Variants in PODXL observed in about 807,000 individuals in gnomAD.
The protein encoded by PODXL is podocalyxin.
Under a neutral mutation model 48.9 loss-of-function variants are expected in PODXL, and 20 were observed. The ratio of observed to expected loss-of-function variants is 0.41; its 90% CI spans 0.29 to 0.59. The LOEUF is 0.59. PODXL is among the 20% of genes least tolerant of loss of function. PODXL has a pLI of 0.31. For missense variants in PODXL, 606 were observed against 675.1 expected (o/e 0.90, Z 1.13); for synonymous variants, 295 against 287.4 (o/e 1.03, Z -0.27).
intron 1 of PODXL, among the ~76,000 whole-genome samples, chr7:131,538,156 C>T (rs1798411400): frequency 6.6e-6 from 1 of 152,130 alleles, no homozygotes; most frequent in Admixed American, 6.5e-5. Context: ...AGCTCCTGGC[C>T]CCTCCCCTGT....
At position 131,516,328 on chromosome 7, in the gene PODXL, C is replaced by T. The variant is rs575461478; in HGVS notation, c.101-4895G>A. On this transcript the variant is annotated intron_variant, in intron 1 of 8. Coordinates refer to ENST00000378555, the MANE Select transcript of PODXL (RefSeq NM_001018111.3). ...GGCTGAGGCAGGCGGATCACAAGGT[C>T]GGGAGTTTGAGACCAGCCTGGCCAA... is the stretch of plus-strand genomic sequence containing the variant. Among the ~76,000 whole-genome samples, 7 of 152,290 alleles carry T rather than the reference C, an allele frequency of 4.6e-5. No homozygotes were observed. In the South Asian group the frequency reaches 6.2e-4, roughly 14 times the overall value.
At chr7:131,509,771 G>A (rs771754373) in intron 3 of PODXL, among the ~76,000 whole-genome samples, 186 bp from the exon 4 acceptor site, 16 of 152,030 alleles carry the variant, frequency 1.1e-4, no homozygotes, top group Non-Finnish European at 2.1e-4. Flanking sequence ...CGCAGCAAAC[G>A]TTCACTGAGC....
At chr7:131,541,222 A>G (rs548674733) in intron 1 of PODXL, among the ~76,000 whole-genome samples, 6 of 152,176 alleles carry the variant, frequency 3.9e-5, no homozygotes, top group African/African-American at 1.4e-4. Context: ...ACTATCACCT[A>G]TCTCTCTCCT....
chr7:131,504,193 G>T lies in PODXL; in HGVS notation c.*118C>A. 1 of 769,814 alleles carries T rather than the reference G, an allele frequency of 1.3e-6. No homozygotes were observed. The highest frequency in any genetic ancestry group is 2.7e-5 in the East Asian group (1 of 37,696). 47.7% of individuals were successfully genotyped at this position (769,814 alleles called of 1,614,324 possible). A position where few individuals can be genotyped will look rare whatever the true frequency, so the allele number is the denominator to read the frequency against. On this transcript the variant is annotated 3_prime_UTR_variant, in exon 9 of 9. Transcript: ENST00000378555. ...AATTAAGGCCCTGGGGGGATTGGGA[G>T]GGGACACCCCTCGGAGTTCACTCTC...
At chr7:131,540,229 T>C (rs1189061519) in intron 1 of PODXL, among the ~76,000 whole-genome samples, 1 of 152,116 alleles carries the variant, frequency 6.6e-6, no homozygotes, top group Non-Finnish European at 1.5e-5. Context: ...GATTATTTTG[T>C]AGAGATACGG....
intron 1 of PODXL, among the ~76,000 whole-genome samples, chr7:131,516,196 A>T (rs1339378159): frequency 6.6e-6 from 1 of 152,232 alleles, no homozygotes; most frequent in Non-Finnish European, 1.5e-5. Context: ...GGAAACCTAC[A>T]TTAAATAAAG....
chr7:131,504,482 T>C lies in PODXL; in HGVS notation c.1506A>G (p.Thr502=), dbSNP rs747558898. The stretch of plus-strand genomic sequence containing the variant: ...GGTTGTCATGGTAACCATTCTCCAC[T>C]GTCTGCAGCTCCTCTGTTAGCCGCT... The part of the protein sequence containing the change: ...DQQRLTEELQ[T]VENGYHDNPT... Residue 502 remains threonine (T), a synonymous_variant, in exon 9 of 9, where the codon ACA becomes ACG. Transcript: ENST00000378555. 106 of 1,614,084 alleles carry C rather than the reference T, an allele frequency of 6.6e-5. No homozygotes were observed. The Admixed American group carries it at 1.7e-3, about 27-fold the overall frequency.
chr7:131,533,525 C>A (rs551077398), intron 1 of PODXL, among the ~76,000 whole-genome samples: 1 of 152,326 alleles, frequency 6.6e-6, no homozygotes, highest in African/African-American at 2.4e-5. Context: ...CACTGTCTAG[C>A]GTGGAGATGT....
intron 1 of PODXL, among the ~76,000 whole-genome samples, chr7:131,522,892 C>T (rs1194749202): frequency 6.6e-6 from 1 of 152,224 alleles, no homozygotes; most frequent in African/African-American, 2.4e-5. Flanking sequence ...TGATATTTCA[C>T]AGTATGGAGC....
At chr7:131,515,065 A>T (rs1201454334) in intron 1 of PODXL, among the ~76,000 whole-genome samples, 1 of 152,208 alleles carries the variant, frequency 6.6e-6, no homozygotes, top group Non-Finnish European at 1.5e-5. Flanking sequence ...TGTCTATTAG[A>T]TGCAAGTAAT....
At chr7:131,544,439 G>T (rs1798531196) in intron 1 of PODXL, among the ~76,000 whole-genome samples, 2 of 152,172 alleles carry the variant, frequency 1.3e-5, no homozygotes, top group African/African-American at 4.8e-5. Flanking sequence ...GAAAGGCCAG[G>T]ACGGCTCCCA....
chr7:131,510,879 C>T lies in PODXL; in HGVS notation c.655G>A (p.Val219Met). 6.2e-7 allele frequency: 1 copy of T among 1,614,114 alleles called. No homozygotes were observed. The highest frequency in any genetic ancestry group is 8.5e-7 in the Non-Finnish European group (1 of 1,180,020). Residue 219 changes from valine to methionine, a missense_variant, in exon 2 of 9, where the codon GTG becomes ATG. By Grantham distance (21) the Val-to-Met change is conservative. Transcript: ENST00000378555. ...GTGAAGGTGTAGCCAGGGATAGCCA[C>T]AGTGCTTGAACTGCTTGAAATTTTC... ...LMKISSSSST[V>M]AIPGYTFTSP...
At chr7:131,531,398 C>G (rs1218200164) in intron 1 of PODXL, among the ~76,000 whole-genome samples, 3 of 152,158 alleles carry the variant, frequency 2.0e-5, no homozygotes, top group Non-Finnish European at 4.4e-5. Flanking sequence ...CTGCAGAGGA[C>G]AGCATGGGAA....
intron 1 of PODXL, among the ~76,000 whole-genome samples, chr7:131,550,033 G>A (rs924543253): frequency 1.3e-5 from 2 of 152,230 alleles, no homozygotes; most frequent in African/African-American, 2.4e-5. Flanking sequence ...CTTGGGATGC[G>A]GGAGATGTGG....
intron 1 of PODXL, among the ~76,000 whole-genome samples, chr7:131,524,581 T>C (rs914741780): frequency 1.1e-4 from 16 of 152,160 alleles, no homozygotes; most frequent in Non-Finnish European, 2.2e-4. Flanking sequence ...ATTACATACC[T>C]ATTGGAATAG....
At chr7:131,507,334 A>C (rs1797826365) in intron 5 of PODXL, among the ~76,000 whole-genome samples, 1 of 152,160 alleles carries the variant, frequency 6.6e-6, no homozygotes, top group Non-Finnish European at 1.5e-5. Context: ...TGGGATCTTG[A>C]AGCTACCCCT....
chr7:131,505,598 C>CA, intron 8 of PODXL, among the ~76,000 whole-genome samples: 1 of 152,178 alleles, frequency 6.6e-6, no homozygotes, highest in East Asian at 1.9e-4. Flanking sequence ...GCCTGGGTGA[C>CA]AGAGCAAGAC....
intron 1 of PODXL, among the ~76,000 whole-genome samples, chr7:131,549,400 T>C (rs960241476): frequency 7.9e-5 from 12 of 152,128 alleles, no homozygotes; most frequent in Admixed American, 5.9e-4. Context: ...CCAATCAGTG[T>C]GTTGGGAGTA....
chr7:131,547,165 G>A (rs1798592582), intron 1 of PODXL, among the ~76,000 whole-genome samples: 1 of 151,966 alleles, frequency 6.6e-6, no homozygotes, highest in African/African-American at 2.4e-5. Flanking sequence ...CCTGAGGTTG[G>A]GAGTTCAAGA....
Sources: gnomAD v4.1 joint callset for allele counts (sites outside exome capture counted in the v4.1 genomes callset) on GRCh38, gnomAD v4.1.1 for gene constraint, MANE v1.5 for transcripts, NCBI Gene and HGNC (gene_info 2026-07-23, HGNC 2026-07-21) for gene names.